Variants in ZYG11B observed in about 807,000 individuals in gnomAD.
ZYG11B encodes zyg-11 family member B, cell cycle regulator.
Under a neutral mutation model 82.4 loss-of-function variants are expected in ZYG11B, and 36 were observed. The ratio of observed to expected loss-of-function variants is 0.44; its 90% CI spans 0.33 to 0.58. The LOEUF is 0.58. ZYG11B is among the 20% of genes least tolerant of loss of function. The pLI is 0.02. For missense variants in ZYG11B, 552 were observed against 895.6 expected (o/e 0.62, Z 4.90); for synonymous variants, 303 against 312.8 (o/e 0.97, Z 0.33).
intron 13 of ZYG11B, among the ~76,000 whole-genome samples, chr1:52,817,498 C>T (rs936175179): frequency 1.1e-4 from 17 of 151,216 alleles, no homozygotes; most frequent in African/African-American, 3.4e-4. Context: ...TCAGATGATC[C>T]TCCTGCCTCA....
At chr1:52,743,972 AC>A (rs1558118507) in intron 1 of ZYG11B, among the ~76,000 whole-genome samples, 1 of 151,404 alleles carries the variant, frequency 6.6e-6, no homozygotes, top group Non-Finnish European at 1.5e-5. Flanking sequence ...TCGCTCTGTC[AC>A]CCAGACTGGA....
At chr1:52,765,021 T>TA (rs1420697095) in intron 2 of ZYG11B, among the ~76,000 whole-genome samples, 1 of 152,054 alleles carries the variant, frequency 6.6e-6, no homozygotes, top group African/African-American at 2.4e-5. Context: ...TAACTCCATG[T>TA]AAACCACTGC....
intron 10 of ZYG11B, among the ~76,000 whole-genome samples, chr1:52,811,627 G>A (rs1406767847): frequency 6.6e-6 from 1 of 151,998 alleles, no homozygotes; most frequent in Non-Finnish European, 1.5e-5. Flanking sequence ...TTTCTCTGTT[G>A]TTTAGTCCAC....
chr1:52,799,240 C>G (rs1645054417), intron 8 of ZYG11B, among the ~76,000 whole-genome samples: 1 of 151,976 alleles, frequency 6.6e-6, no homozygotes, highest in Non-Finnish European at 1.5e-5. Context: ...GTAATGCCAG[C>G]AATCTGGGAG....
In ZYG11B at chr1:52,821,617, C is replaced by A. The variant is rs972353304; in HGVS notation, c.2223C>A (p.Ala741=). ...RPPPCKKQPQ[A]RLN ...CTCCCTGTAAAAAACAGCCCCAAGC[C>A]AGACTAAATTGATAGCCATAAGTAT... is the stretch of plus-strand genomic sequence containing the variant. Residue 741 remains alanine, a synonymous_variant, in exon 14 of 14, where the codon GCC becomes GCA. Transcript: ENST00000294353. The A allele has an allele frequency of 5.6e-6, 9 of 1,610,510 alleles. No homozygotes were observed. The African/African-American group carries it at 1.2e-4, about 22-fold the overall frequency.
chr1:52,816,825 G>A (rs1306390095), intron 13 of ZYG11B, among the ~76,000 whole-genome samples, 196 bp downstream of exon 13: 1 of 93,812 alleles, frequency 1.1e-5, no homozygotes, highest in Non-Finnish European at 1.9e-5. Flanking sequence ...TCTCGCTCTT[G>A]TTCCCCAGGC....
intron 4 of ZYG11B, among the ~76,000 whole-genome samples, chr1:52,781,121 G>A (rs1038477783): frequency 6.6e-6 from 1 of 152,140 alleles, no homozygotes; most frequent in Non-Finnish European, 1.5e-5. Flanking sequence ...GAGCAACAGA[G>A]CAAGACTCTC....
rs371129173 is a variant in ZYG11B at position 52,730,425 on chromosome 1, C to G, written c.30+3742C>G. On this transcript the variant is annotated intron_variant, in intron 1 of 13. Transcript: ENST00000294353. Reference sequence around the variant, plus strand: ...CATTGCAGCCTCAAACCCCTAGGCTCAAGCAGTCCTTCCAGCTCAGCCTCC... The same window carrying G: ...CATTGCAGCCTCAAACCCCTAGGCTGAAGCAGTCCTTCCAGCTCAGCCTCC... Among the ~76,000 whole-genome samples, 11 of 152,246 alleles carry G rather than the reference C, an allele frequency of 7.2e-5. No homozygotes were observed. In the East Asian group the frequency reaches 1.5e-3, roughly 21 times the overall value.
intron 1 of ZYG11B, among the ~76,000 whole-genome samples, chr1:52,727,485 A>G (rs200009746): frequency 1.3e-5 from 2 of 152,204 alleles, no homozygotes; most frequent in African/African-American, 4.8e-5. Flanking sequence ...AGAAATAGCT[A>G]AAAAATGTTT....
Position 52,771,333 on chromosome 1 carries a change from G to A in ZYG11B, c.510G>A (p.Thr170=), listed in dbSNP as rs1366720826. The A allele has an allele frequency of 3.0e-5, 48 of 1,614,170 alleles. No individual in the cohort carries two copies. The highest frequency in any genetic ancestry group is 3.6e-5 in the Non-Finnish European group (43 of 1,180,054). ...RLSGLRALSI[T]NVLFYNEDLA... is the part of the protein sequence containing the mutation. ...CTGGCCTTCGAGCTTTAAGCATCAC[G>A]AATGTTCTCTTTTACAATGAAGACC... The change falls in exon 3 of 14, where the codon ACG becomes ACA. Residue 170 remains threonine, a synonymous_variant. Transcript: ENST00000294353. The surrounding 1 kb of genome is among the most constrained non-coding windows in gnomAD (Gnocchi z 5.4).
chr1:52,762,976 T>TG (rs34535989), intron 2 of ZYG11B, among the ~76,000 whole-genome samples: 8,462 of 102,606 alleles, frequency 0.082, 584 homozygotes, highest in East Asian at 0.27. Context: ...GGTGAGAGAT[T>TG]GGGGGGGGGG....
chr1:52,801,746 G>T lies in ZYG11B; in HGVS notation c.1486-73G>T. Reference sequence around the variant, plus strand: ...CCATGAGACTAATCCTCATGGACTTGGGGTTATTAATCACCACAAATTGTA... The same window carrying T: ...CCATGAGACTAATCCTCATGGACTTTGGGTTATTAATCACCACAAATTGTA... On this transcript the variant is annotated intron_variant, in intron 8 of 13. Transcript: ENST00000294353. 2.4e-6 allele frequency: 3 copies of T among 1,256,042 alleles called. No homozygotes were observed. The Admixed American group carries it at 7.6e-5, about 32-fold the overall frequency. 77.8% of individuals were successfully genotyped at this position (1,256,042 alleles called of 1,614,324 possible).
chr1:52,791,796 G>C (rs778470561), intron 6 of ZYG11B, among the ~76,000 whole-genome samples: 2 of 152,102 alleles, frequency 1.3e-5, no homozygotes, highest in Admixed American at 6.6e-5. Context: ...ATATAACTAC[G>C]TATATCTCAT....
At chr1:52,737,345 T>C (rs1644386289) in intron 1 of ZYG11B, among the ~76,000 whole-genome samples, 1 of 152,186 alleles carries the variant, frequency 6.6e-6, no homozygotes, top group Non-Finnish European at 1.5e-5. Context: ...TATTATTATT[T>C]GTTAATGAGG....
At chr1:52,742,597 C>G (rs901027857) in intron 1 of ZYG11B, among the ~76,000 whole-genome samples, 10 of 152,134 alleles carry the variant, frequency 6.6e-5, no homozygotes, top group African/African-American at 2.2e-4. Flanking sequence ...AATCCCAGCA[C>G]TTTCGGAGGC....
Position 52,771,024 on chromosome 1 carries a change from A to G in ZYG11B, c.201A>G (p.Leu67=), listed in dbSNP as rs754115260. 4.3e-6 allele frequency: 7 copies of G among 1,609,622 alleles called. No homozygotes were observed. Among genetic ancestry groups the G allele is most frequent in the African/African-American group, 4.0e-5 (3 of 74,812 alleles). The change falls in exon 3 of 14, where the codon CTA becomes CTG. Residue 67 remains leucine, a synonymous_variant. Transcript: ENST00000294353. The surrounding 1 kb of genome is among the most constrained non-coding windows in gnomAD (Gnocchi z 5.4). ...RLLRTMAFHG[L]LNDGTVGIFR... is the part of the protein sequence containing the mutation. ...ACGCTGCTTGTTTTTCCACAGGTCT[A>G]TTGAATGATGGAACTGTGGGTATTT... is the stretch of plus-strand genomic sequence containing the variant.
chr1:52,797,179 T>TATA (rs1403793913), intron 8 of ZYG11B, among the ~76,000 whole-genome samples: 14 of 81,152 alleles, frequency 1.7e-4, no homozygotes, highest in African/African-American at 7.5e-4. Context: ...ATTATATATA[T>TATA]TTATATATTA....
chr1:52,735,600 G>A (rs148034945), intron 1 of ZYG11B, among the ~76,000 whole-genome samples: 1,886 of 151,996 alleles, frequency 0.012, 44 homozygotes, highest in African/African-American at 0.044. Flanking sequence ...GCAGTGGCGC[G>A]ATCTCGGCTC....
chr1:52,811,415 C>T (rs1263955337), intron 10 of ZYG11B, among the ~76,000 whole-genome samples: 1 of 152,086 alleles, frequency 6.6e-6, no homozygotes, highest in Non-Finnish European at 1.5e-5. Flanking sequence ...CCACTATTGG[C>T]TTTTTTCCCC....
Sources: gnomAD v4.1 joint callset for allele counts (sites outside exome capture counted in the v4.1 genomes callset) on GRCh38, gnomAD v4.1.1 for gene constraint, Gnocchi (gnomAD v3.1) non-coding constraint, MANE v1.5 for transcripts, NCBI Gene and HGNC (gene_info 2026-07-23, HGNC 2026-07-21) for gene names.